The following MED13L variants were observed in gnomAD, a reference collection of about 807,000 sequenced individuals.
MED13L encodes mediator of RNA polymerase II transcription subunit 13-like.
Under a neutral mutation model 220.9 loss-of-function variants are expected in MED13L, and 7 were observed. The ratio of observed to expected loss-of-function variants is 0.03; its 90% CI spans 0.02 to 0.06. MED13L has a LOEUF of 0.06. Ranked by LOEUF, MED13L falls within the 10% of genes least tolerant of loss-of-function variation. The pLI, the probability that MED13L is intolerant of heterozygous loss-of-function variation, is 1.00. For missense variants in MED13L, 1,965 were observed against 2,760.5 expected, an observed-to-expected ratio of 0.71 and a Z score of 6.46; for synonymous variants, 1,011 against 1,015.2, an observed-to-expected ratio of 1.00 and a Z score of 0.08.
chr12:116,035,073 C>T (rs1881099293), intron 4 of MED13L, among the ~76,000 whole-genome samples: 2 of 152,132 alleles, frequency 1.3e-5, no homozygotes, highest in African/African-American at 4.8e-5. Flanking sequence ...CTAAGCGCAC[C>T]TATCTTTGTG....
At chr12:116,025,449 T>C (rs1163032980) in intron 4 of MED13L, among the ~76,000 whole-genome samples, 1 of 152,240 alleles carries the variant, frequency 6.6e-6, no homozygotes. Flanking sequence ...TTCATTATTA[T>C]TCACAATAGT....
Position 116,079,287 on chromosome 12 carries a change from T to C in MED13L, c.479+17382A>G, listed in dbSNP as rs186245419. Among the ~76,000 whole-genome samples, 112 of 152,176 alleles carry C rather than the reference T, an allele frequency of 7.4e-4. No homozygotes were observed. In the Middle Eastern group the frequency reaches 0.014, roughly 19 times the overall value. ...ACCCAGACTGGCAGTGGTATAATTA[T>C]AGCTCACTGCAGCCTCAATCTCCCA... is the stretch of plus-strand genomic sequence containing the variant. On this transcript the variant is annotated intron_variant, in intron 4 of 30. Transcript: ENST00000281928.
In MED13L at chr12:115,984,233, T is replaced by G. The variant is rs1294988714; in HGVS notation, c.4478A>C (p.Asn1493Thr). ...AAGTTTGAGTCTGGAATGATTGTCA[T>G]TCTCCTCGCCGCTCCAAGGCTGGTT... ...WFNQPWSGEE[N>T]DNHSRLKLYA... Residue 1493 changes from asparagine to threonine, a missense_variant, in exon 20 of 31, where the codon AAT (asparagine) becomes ACT (threonine). By Grantham distance (65) the Asn-to-Thr change is moderately conservative. Transcript: ENST00000281928. The G allele has an allele frequency of 1.2e-6, 2 of 1,613,880 alleles. No individual in the cohort carries two copies. The highest frequency in any genetic ancestry group is 1.7e-6 in the Non-Finnish European group (2 of 1,179,996).
intron 29 of MED13L, among the ~76,000 whole-genome samples, chr12:115,964,351 T>A (rs1875990277): frequency 1.3e-5 from 2 of 152,194 alleles, no homozygotes; most frequent in African/African-American, 4.8e-5. Context: ...GATCTGTACA[T>A]GACAAATGAT....
chr12:116,106,860 A>G lies in MED13L; in HGVS notation c.395+4568T>C, dbSNP rs552888115. Among the ~76,000 whole-genome samples the G allele has an allele frequency of 8.1e-4, 105 of 129,972 alleles. 3 individuals carry two copies. The highest frequency in any genetic ancestry group is 5.1e-3 in the East Asian group (22 of 4,300). 85.3% of individuals were successfully genotyped at this position (129,972 alleles called of 152,430 possible). On this transcript the variant is annotated intron_variant, in intron 3 of 30. Transcript: ENST00000281928. Reference sequence around the variant, plus strand: ...GACTCTGTCTCAAAAAAAAAAGGGAAAAAAAAAAAAAGATATTATAGAAAG... The same window carrying G: ...GACTCTGTCTCAAAAAAAAAAGGGAGAAAAAAAAAAAGATATTATAGAAAG...
intron 4 of MED13L, among the ~76,000 whole-genome samples, chr12:116,063,659 C>T (rs1009930786): frequency 8.5e-5 from 13 of 152,276 alleles, no homozygotes; most frequent in Admixed American, 8.5e-4. Flanking sequence ...AGCCTTAAGA[C>T]TCATCAGGCA....
rs150890387 is a variant in MED13L at position 116,185,936 on chromosome 12, T to C, written c.310+51532A>G. 9.8e-3 allele frequency among the ~76,000 whole-genome samples: 1,498 copies of C among 152,306 alleles called. 26 individuals carry two copies. Among genetic ancestry groups the C allele is most frequent in the African/African-American group, 0.034 (1,405 of 41,566 alleles). ...GTCTCGAACTCCTGACCTCATGATC[T>C]GCCCACTTCGGCCTCCCAAAGTGCT... On this transcript the variant is annotated intron_variant, in intron 2 of 30. Coordinates refer to ENST00000281928, the MANE Select transcript of MED13L (RefSeq NM_015335.5).
At chr12:116,054,755 G>T (rs1868807833) in intron 4 of MED13L, among the ~76,000 whole-genome samples, 1 of 152,178 alleles carries the variant, frequency 6.6e-6, no homozygotes, top group African/African-American at 2.4e-5. Context: ...CAGCTGGTGA[G>T]AATCTAAGTT....
At chr12:116,065,176 G>T (rs1869825813) in intron 4 of MED13L, among the ~76,000 whole-genome samples, 1 of 151,988 alleles carries the variant, frequency 6.6e-6, no homozygotes, top group South Asian at 2.1e-4. Flanking sequence ...CATACATCAG[G>T]TTTCTACATA....
chr12:116,040,795 C>CA (rs59484926), intron 4 of MED13L, among the ~76,000 whole-genome samples: 3,722 of 92,282 alleles, frequency 0.04, 58 homozygotes, highest in African/African-American at 0.077. Flanking sequence ...TAGGAGTCCT[C>CA]AAAAAAAAAA....
intron 2 of MED13L, among the ~76,000 whole-genome samples, chr12:116,166,985 A>G (rs1329547100): frequency 6.6e-6 from 1 of 152,206 alleles, no homozygotes; most frequent in Admixed American, 6.5e-5. Flanking sequence ...CAAATTTTTC[A>G]TCCTTTGACT....
chr12:115,984,415 C>A (rs1426796398), intron 19 of MED13L, 43 bp from the exon 20 acceptor site: 1 of 1,602,762 alleles, frequency 6.2e-7, no homozygotes, highest in Admixed American at 1.7e-5. Context: ...AGGAGCCATT[C>A]CTTCATTCAG....
chr12:116,191,282 G>A (rs1881264425), intron 2 of MED13L, among the ~76,000 whole-genome samples: 1 of 151,976 alleles, frequency 6.6e-6, no homozygotes, highest in African/African-American at 2.4e-5. Context: ...GATCAGTACT[G>A]GGTAACAATA....
chr12:116,209,306 G>A (rs1882550680), intron 2 of MED13L, among the ~76,000 whole-genome samples: 1 of 152,030 alleles, frequency 6.6e-6, no homozygotes, highest in Admixed American at 6.6e-5. Context: ...AAACCAAGGA[G>A]GTGTACCTCA....
chr12:116,008,547 C>G lies in MED13L; in HGVS notation c.1866G>C (p.Arg622Ser). The change falls in exon 10 of 31, where the codon AGG becomes AGC. Residue 622 changes from arginine (R) to serine (S), a missense_variant. Physicochemically the swap from Arg to Ser is moderately radical, Grantham distance 110. Around this residue, in one of 10 missense-constraint regions of MED13L, gnomAD observed 818 missense variants for 1,041.2 expected, o/e 0.79. Transcript: ENST00000281928. ...VSETALYCGI[R>S]PSNPESSEKW... ...TTTCTGATGACTCCGGGTTCGAGGG[C>G]CTAATCCCACAATATAAGGCTGTCT... is the stretch of plus-strand genomic sequence containing the variant. 6.2e-7 allele frequency: 1 copy of G among 1,613,950 alleles called. No individual in the cohort carries two copies. Among genetic ancestry groups the G allele is most frequent in the South Asian group, 1.1e-5 (1 of 91,058 alleles).
chr12:116,250,770 C>A (rs1249462317), intron 1 of MED13L, among the ~76,000 whole-genome samples: 1 of 131,348 alleles, frequency 7.6e-6, no homozygotes, highest in African/African-American at 2.8e-5. Context: ...GAGCGAGACT[C>A]CTCCTCAAAA....
At position 115,996,540 on chromosome 12, in the gene MED13L, T is replaced by G. The variant is rs377007447; in HGVS notation, c.2932A>C (p.Ile978Leu). 1.9e-6 allele frequency: 3 copies of G among 1,614,054 alleles called. No homozygotes were observed. The highest frequency in any genetic ancestry group is 2.7e-5 in the African/African-American group (2 of 74,926). The change falls in exon 16 of 31, where the codon ATT (isoleucine) becomes CTT (leucine). Residue 978 changes from isoleucine to leucine, a missense_variant. By Grantham distance (5) the Ile-to-Leu change is conservative. This residue lies in a region of MED13L where 233 missense variants were observed against 306.2 expected (regional missense o/e 0.76). Coordinates refer to ENST00000281928, the MANE Select transcript of MED13L (RefSeq NM_015335.5). ...GGCAGTTGTTCAATTTTAGGAGGAA[T>G]TGCCCATGAAGGCCGAAACAGACAG... ...DACLFRPSWA[I>L]PPKIEQLPMP...
intron 7 of MED13L, among the ~76,000 whole-genome samples, chr12:116,018,658 AT>A (rs2137430081): frequency 6.6e-6 from 1 of 152,256 alleles, no homozygotes; most frequent in African/African-American, 2.4e-5. Context: ...CAATTTCTGA[AT>A]TTTTCCATGA....
chr12:116,266,412 C>A (rs2138574803), intron 1 of MED13L, among the ~76,000 whole-genome samples: 1 of 152,306 alleles, frequency 6.6e-6, no homozygotes, highest in South Asian at 2.1e-4. Flanking sequence ...AAAGGAAAAC[C>A]TGCCTTCAAA....
Sources: allele counts gnomAD v4.1 joint callset (sites outside exome capture counted in the v4.1 genomes callset), GRCh38; gene constraint gnomAD v4.1.1; regional missense constraint gnomAD v4.1.1; transcripts MANE v1.5; gene names NCBI Gene and HGNC (gene_info 2026-07-23, HGNC 2026-07-21).